Variants in EZH2 observed in about 807,000 individuals in gnomAD.
EZH2 encodes the protein enhancer of zeste 2 polycomb repressive complex 2 subunit, also known as histone-lysine N-methyltransferase EZH2.
In EZH2, 18 loss-of-function variants were observed where a neutral mutation model predicts 98.4. That is an observed-to-expected ratio of 0.18 (90% CI 0.13 to 0.27). EZH2 has a LOEUF of 0.27. Ranked by LOEUF, EZH2 falls within the 10% of genes least tolerant of loss-of-function variation. EZH2 has a pLI of 1.00. For missense variants in EZH2, 470 were observed against 935.1 expected (o/e 0.50, Z 6.49); for synonymous variants, 338 against 312.3 (o/e 1.08, Z -0.87).
At chr7:148,860,601 T>C (rs1206225436) in intron 1 of EZH2, among the ~76,000 whole-genome samples, 1 of 152,236 alleles carries the variant, frequency 6.6e-6, no homozygotes, top group Non-Finnish European at 1.5e-5. Flanking sequence ...CTGTTTAGTT[T>C]ATATGTGTTA....
At chr7:148,858,715 A>G (rs995101884) in intron 1 of EZH2, among the ~76,000 whole-genome samples, 1 of 152,110 alleles carries the variant, frequency 6.6e-6, no homozygotes, top group African/African-American at 2.4e-5. Context: ...TATTTTTTGT[A>G]GAGAAAGTGT....
At chr7:148,843,583 G>GTTTTTT (rs1157236882) in intron 3 of EZH2, among the ~76,000 whole-genome samples, 14 of 64,340 alleles carry the variant, frequency 2.2e-4, no homozygotes, top group African/African-American at 8.5e-4. Flanking sequence ...GGGAGTATAA[G>GTTTTTT]TTTTTTTTTT....
rs894739380 is a variant in EZH2, at chr7:148,838,389, A to C, written c.247-5639T>G. On this transcript the variant is annotated intron_variant, in intron 3 of 19. Coordinates refer to ENST00000320356, the MANE Select transcript of EZH2 (RefSeq NM_004456.5). ...TGCAAACCTACTTAATCCTAGGTTA[A>C]AATCCTGAAGGGCTGTTAAGGTAAA... 2.6e-5 allele frequency among the ~76,000 whole-genome samples: 4 copies of C among 152,192 alleles called. 1 individual carries two copies. Among genetic ancestry groups the C allele is most frequent in the African/African-American group, 4.8e-5 (2 of 41,442 alleles).
intron 16 of EZH2, among the ~76,000 whole-genome samples, 167 bp from the exon 17 acceptor site, chr7:148,810,581 A>G (rs747380867): frequency 1.3e-5 from 2 of 152,218 alleles, no homozygotes; most frequent in Non-Finnish European, 2.9e-5. Context: ...GTAATAAAGA[A>G]TAACTGTATA....
chr7:148,832,587 T>A, intron 4 of EZH2, 47 bp downstream of exon 4: 1 of 1,025,326 alleles, frequency 9.8e-7, no homozygotes, highest in South Asian at 1.6e-5. Flanking sequence ...CTTTTTTACT[T>A]CAAATAAGTT....
At chr7:148,818,943 T>A (rs1336463594) in intron 9 of EZH2, 1 of 429,696 alleles carries the variant, frequency 2.3e-6, no homozygotes, top group East Asian at 7.1e-5. Flanking sequence ...TTATACTTCA[T>A]TCTACAAAAA....
intron 14 of EZH2, among the ~76,000 whole-genome samples, chr7:148,814,447 G>C (rs1804010684): frequency 6.6e-6 from 1 of 152,086 alleles, no homozygotes; most frequent in African/African-American, 2.4e-5. Context: ...ATAGCCCCTA[G>C]TTCTAAACAC....
intron 3 of EZH2, 82 bp downstream of exon 3, chr7:148,846,388 T>A: frequency 6.7e-7 from 1 of 1,489,282 alleles, no homozygotes; most frequent in East Asian, 2.3e-5. Context: ...GTCAATGATT[T>A]CCTCCCAATA....
intron 3 of EZH2, among the ~76,000 whole-genome samples, chr7:148,837,739 C>T (rs536609472): frequency 6.6e-6 from 1 of 152,084 alleles, no homozygotes; most frequent in South Asian, 2.1e-4. Flanking sequence ...AGGAGAGAGG[C>T]AGAAACAAAA....
At chr7:148,871,425 A>G (rs1457248334) in intron 1 of EZH2, among the ~76,000 whole-genome samples, 5 of 143,198 alleles carry the variant, frequency 3.5e-5, no homozygotes, top group South Asian at 2.2e-4. Context: ...AAAAAAAAAA[A>G]GAAGAGGAAG....
intron 1 of EZH2, among the ~76,000 whole-genome samples, chr7:148,853,903 T>G (rs1448651966): frequency 1.3e-5 from 2 of 152,102 alleles, no homozygotes; most frequent in African/African-American, 4.8e-5. Context: ...AAAGTAGAGC[T>G]TCCTCCATCC....
At chr7:148,864,080 A>G (rs1257415741) in intron 1 of EZH2, among the ~76,000 whole-genome samples, 1 of 152,238 alleles carries the variant, frequency 6.6e-6, no homozygotes, top group Non-Finnish European at 1.5e-5. Context: ...AAGTTATACT[A>G]ATTTAGCAAT....
At chr7:148,822,130 A>C (rs888621561) in intron 8 of EZH2, among the ~76,000 whole-genome samples, 6 of 151,920 alleles carry the variant, frequency 3.9e-5, no homozygotes, top group African/African-American at 1.4e-4. Flanking sequence ...TTAAAAATGA[A>C]GCCTAAAACA....
intron 1 of EZH2, among the ~76,000 whole-genome samples, chr7:148,857,182 A>G (rs1206576009): frequency 1.3e-5 from 2 of 152,256 alleles, no homozygotes; most frequent in African/African-American, 4.8e-5. Context: ...CTTACAAAAC[A>G]TCTGACCAAT....
intron 4 of EZH2, among the ~76,000 whole-genome samples, chr7:148,831,952 T>A (rs1809524263): frequency 1.3e-5 from 2 of 152,230 alleles, no homozygotes; most frequent in Admixed American, 6.5e-5. Context: ...GCCCTATGAA[T>A]TTTACACCAT....
At chr7:148,874,317 G>A (rs1406010127) in intron 1 of EZH2, among the ~76,000 whole-genome samples, 1 of 152,204 alleles carries the variant, frequency 6.6e-6, no homozygotes, top group Non-Finnish European at 1.5e-5. Context: ...CAGCCCAGGA[G>A]GTGGAGGTTG....
In EZH2 at chr7:148,844,187, G is replaced by T. The variant is rs1232451077; in HGVS notation, c.246+2283C>A. Among the ~76,000 whole-genome samples the T allele has an allele frequency of 2.0e-5, 3 of 152,086 alleles. No homozygotes were observed. The East Asian group carries it at 5.8e-4, about 29-fold the overall frequency. ...TCCCTACCTGACCTACTTCAGACTA[G>T]AATCTTTCAAATATATAAAAGAAAT... On this transcript the variant is annotated intron_variant, in intron 3 of 19. Transcript: ENST00000320356.
intron 19 of EZH2, among the ~76,000 whole-genome samples, chr7:148,808,413 G>A (rs995684253): frequency 6.6e-6 from 1 of 152,218 alleles, no homozygotes; most frequent in Non-Finnish European, 1.5e-5. Flanking sequence ...GGATGTACAC[G>A]GGGCTACAGG....
At chr7:148,813,152 CTT>C (rs1240017896) in intron 15 of EZH2, among the ~76,000 whole-genome samples, 2 of 152,014 alleles carry the variant, frequency 1.3e-5, no homozygotes, top group Non-Finnish European at 2.9e-5. Flanking sequence ...AGTCTTGTGA[CTT>C]TGGGTTTCCT....
Sources: gnomAD v4.1 joint callset for allele counts (sites outside exome capture counted in the v4.1 genomes callset) on GRCh38, gnomAD v4.1.1 for gene constraint, MANE v1.5 for transcripts, NCBI Gene and HGNC (gene_info 2026-07-23, HGNC 2026-07-21) for gene names.